Variants in CDH4 observed in about 807,000 individuals in gnomAD.
CDH4 encodes the protein cadherin 4.
CDH4 carries 33 observed loss-of-function variants against 86.0 expected under a neutral mutation model. The ratio of observed to expected loss-of-function variants is 0.38; its 90% CI spans 0.29 to 0.51. CDH4 has a LOEUF of 0.51. CDH4 is among the 20% of genes least tolerant of loss of function. The pLI is 0.86. For missense variants in CDH4, 1,114 were observed against 1,307.4 expected, an observed-to-expected ratio of 0.85 and a Z score of 2.28; for synonymous variants, 555 against 549.4, an observed-to-expected ratio of 1.01 and a Z score of -0.14.
At chr20:61,691,746 C>G (rs1473695891) in intron 2 of CDH4, among the ~76,000 whole-genome samples, 1 of 152,164 alleles carries the variant, frequency 6.6e-6, no homozygotes, top group African/African-American at 2.4e-5. Context: ...CTAAACAAAT[C>G]TAAACACAGA....
chr20:61,670,314 G>C (rs1163646851), intron 2 of CDH4, among the ~76,000 whole-genome samples: 1 of 152,182 alleles, frequency 6.6e-6, no homozygotes, highest in African/African-American at 2.4e-5. Context: ...AAGTTCAGTA[G>C]GAAGAGAAAA....
intron 2 of CDH4, among the ~76,000 whole-genome samples, chr20:61,395,095 C>T (rs536830350): frequency 7.9e-5 from 12 of 151,604 alleles, no homozygotes; most frequent in South Asian, 4.3e-4. Context: ...CTGGGCAGGA[C>T]GGGCCTTGGG....
At chr20:61,331,622 C>CCG (rs1568801073) in intron 2 of CDH4, among the ~76,000 whole-genome samples, 615 of 50,080 alleles carry the variant, frequency 0.012, no homozygotes, top group Non-Finnish European at 0.013. Context: ...GCCCCAGGCC[C>CCG]ACCTCCTGCC....
In CDH4 at chr20:61,390,897, G is replaced by A. The variant is rs370290203; in HGVS notation, c.169+135960G>A. Among the ~76,000 whole-genome samples, 34 of 152,356 alleles carry A rather than the reference G, an allele frequency of 2.2e-4. 2 individuals are homozygous for A. In the South Asian group the frequency reaches 6.6e-3, roughly 30 times the overall value. On this transcript the variant is annotated intron_variant, in intron 2 of 15. Transcript: ENST00000614565. Reference sequence around the variant, plus strand: ...TGGGAAACCCTGAATGAGATCATGCGGTCATAGGTAATTTTCTCCTTTTTC... The same window carrying A: ...TGGGAAACCCTGAATGAGATCATGCAGTCATAGGTAATTTTCTCCTTTTTC...
chr20:61,268,634 A>T (rs2084168902), intron 2 of CDH4, among the ~76,000 whole-genome samples: 1 of 151,952 alleles, frequency 6.6e-6, no homozygotes, highest in Non-Finnish European at 1.5e-5. Flanking sequence ...GTAATGAGTG[A>T]GTTCCCACTC....
chr20:61,876,753 T>G (rs1036547903), intron 7 of CDH4, among the ~76,000 whole-genome samples: 8 of 152,150 alleles, frequency 5.3e-5, no homozygotes, highest in Admixed American at 2.0e-4. Flanking sequence ...CCCTGTGGCT[T>G]CAGGACCATC....
intron 2 of CDH4, among the ~76,000 whole-genome samples, chr20:61,489,987 A>C (rs2085617206): frequency 6.6e-6 from 1 of 152,134 alleles, no homozygotes; most frequent in Admixed American, 6.6e-5. Flanking sequence ...TTTTCAGATC[A>C]TTGTGATGAT....
intron 2 of CDH4, among the ~76,000 whole-genome samples, chr20:61,298,380 G>A (rs899428554): frequency 1.0e-5 from 1 of 99,684 alleles, no homozygotes; most frequent in Non-Finnish European, 2.5e-5. Flanking sequence ...TCCAAGGGCT[G>A]AGGACCCACC....
chr20:61,569,777 A>G (rs6121693), intron 2 of CDH4, among the ~76,000 whole-genome samples: 12,012 of 152,104 alleles, frequency 0.079, 997 homozygotes, highest in African/African-American at 0.2. Context: ...CTTTAGTCTG[A>G]AAGATTCCTG....
At chr20:61,328,170 A>G (rs1283622346) in intron 2 of CDH4, among the ~76,000 whole-genome samples, 1 of 152,124 alleles carries the variant, frequency 6.6e-6, no homozygotes, top group Non-Finnish European at 1.5e-5. Context: ...CTCTAATAAA[A>G]TTGCTATTTT....
At chr20:61,556,880 A>G (rs1362437999) in intron 2 of CDH4, among the ~76,000 whole-genome samples, 1 of 152,214 alleles carries the variant, frequency 6.6e-6, no homozygotes, top group South Asian at 2.1e-4. Flanking sequence ...CAACACCGAG[A>G]ACACGTGAGG....
chr20:61,926,258 G>A (rs1220465999), intron 11 of CDH4, among the ~76,000 whole-genome samples: 1 of 152,254 alleles, frequency 6.6e-6, no homozygotes, highest in Admixed American at 6.5e-5. Flanking sequence ...GAGGGTCACA[G>A]AGTTAGGAAA....
chr20:61,924,229 C>A, intron 10 of CDH4, 105 bp from the exon 11 acceptor site: 1 of 1,180,698 alleles, frequency 8.5e-7, no homozygotes, highest in Non-Finnish European at 1.2e-6. Context: ...GACAGAGACA[C>A]TGGCCCAGGC....
intron 2 of CDH4, among the ~76,000 whole-genome samples, chr20:61,315,424 A>G (rs2084470941): frequency 6.6e-6 from 1 of 152,210 alleles, no homozygotes; most frequent in African/African-American, 2.4e-5. Flanking sequence ...CCTGATAAAA[A>G]AGACCAGAAG....
At chr20:61,889,448 G>C (rs1446145453) in intron 7 of CDH4, among the ~76,000 whole-genome samples, 1 of 2,546 alleles carries the variant, frequency 3.9e-4, no homozygotes, top group Non-Finnish European at 2.3e-3. Flanking sequence ...ATGATGCATG[G>C]ATGGATGGAT....
At chr20:61,854,685 T>C (rs11905282) in intron 6 of CDH4, among the ~76,000 whole-genome samples, 1,190 of 96,574 alleles carry the variant, frequency 0.012, 7 homozygotes, top group African/African-American at 0.046. Flanking sequence ...GAATTGTGCC[T>C]TTGGCCCACC....
chr20:61,717,945 C>T (rs2087982901), intron 2 of CDH4: 1 of 152,260 alleles, frequency 6.6e-6, no homozygotes. Context: ...CCGAGGAGCC[C>T]ACCGCCTGAG....
At chr20:61,780,795 A>G (rs1397094673) in intron 4 of CDH4, among the ~76,000 whole-genome samples, 6 of 152,258 alleles carry the variant, frequency 3.9e-5, no homozygotes, top group Non-Finnish European at 5.9e-5. Context: ...ACGTGTGTGC[A>G]GGTGGCTTCC....
Position 61,428,010 on chromosome 20 carries a change from G to C in CDH4, c.169+173073G>C, listed in dbSNP as rs6061919. Among the ~76,000 whole-genome samples, 218 of 152,270 alleles carry C rather than the reference G, an allele frequency of 1.4e-3. 1 individual carries two copies. The highest frequency in any genetic ancestry group is 5.0e-3 in the African/African-American group (207 of 41,544). On this transcript the variant is annotated intron_variant, in intron 2 of 15. Coordinates refer to ENST00000614565, the MANE Select transcript of CDH4 (RefSeq NM_001794.5). Reference sequence around the variant, plus strand: ...AGAGAAAAGAGAACTACTGAGGAGTGAATGAAGATGGTGCATGGTATTCCC... The same window carrying C: ...AGAGAAAAGAGAACTACTGAGGAGTCAATGAAGATGGTGCATGGTATTCCC...
Sources: gnomAD v4.1 joint callset for allele counts (sites outside exome capture counted in the v4.1 genomes callset) on GRCh38, gnomAD v4.1.1 for gene constraint, MANE v1.5 for transcripts, NCBI Gene and HGNC (gene_info 2026-07-23, HGNC 2026-07-21) for gene names.